ZSCAN25: variants seen among roughly 807,000 people sequenced by gnomAD.
The protein encoded by ZSCAN25 is zinc finger and SCAN domain-containing protein 25.
Under a neutral mutation model 38.7 loss-of-function variants are expected in ZSCAN25, and 27 were observed. That is an observed-to-expected ratio of 0.70 (90% confidence interval 0.51 to 0.96). ZSCAN25 has a LOEUF of 0.96. ZSCAN25 is among the 40% of genes least tolerant of loss of function. ZSCAN25 has a pLI of 0.00. For synonymous variants in ZSCAN25, 273 were observed against 277.7 expected (o/e 0.98, Z 0.17); for missense variants, 637 against 705.9 (o/e 0.90, Z 1.11).
the ZSCAN25 span, chr7:99,660,404 T>G: frequency 6.7e-7 from 1 of 1,488,600 alleles, no homozygotes; most frequent in Admixed American, 2.4e-5. Flanking sequence ...AATCAGTGAT[T>G]ATGCTTTTTA....
chr7:99,731,185 A>G, the ZSCAN25 span: 1 of 1,612,700 alleles, frequency 6.2e-7, no homozygotes, highest in Non-Finnish European at 8.5e-7. Context: ...GGTCTCAGGG[A>G]TTGTGACTTT....
downstream of ZSCAN25, among the ~76,000 whole-genome samples, chr7:99,633,975 C>A (rs1203655810): frequency 2.0e-5 from 3 of 152,192 alleles, no homozygotes; most frequent in East Asian, 5.8e-4. Flanking sequence ...TATGCTGGGA[C>A]AGTGGTGTAA....
the ZSCAN25 span, chr7:99,707,802 A>T: frequency 6.2e-7 from 1 of 1,613,748 alleles, no homozygotes; most frequent in Non-Finnish European, 8.5e-7. Context: ...AATGCAGAAA[A>T]TTGACTGACC....
chr7:99,687,689 C>T, the ZSCAN25 span, among the ~76,000 whole-genome samples: 2 of 152,036 alleles, frequency 1.3e-5, no homozygotes, highest in African/African-American at 2.4e-5. Context: ...AGATACTCCT[C>T]GAGAAGAGCA....
At chr7:99,678,176 G>A in the ZSCAN25 span, among the ~76,000 whole-genome samples, 3 of 152,210 alleles carry the variant, frequency 2.0e-5, no homozygotes, top group East Asian at 1.9e-4. Flanking sequence ...TGTAGTGACC[G>A]GCCCACAACA....
At chr7:99,701,687 A>G in the ZSCAN25 span, among the ~76,000 whole-genome samples, 1 of 152,212 alleles carries the variant, frequency 6.6e-6, no homozygotes, top group East Asian at 1.9e-4. Context: ...CATTTCTCTG[A>G]TGATCAATGA....
chr7:99,648,312 C>T, the ZSCAN25 span: 3 of 1,612,490 alleles, frequency 1.9e-6, no homozygotes, highest in Non-Finnish European at 2.5e-6. Flanking sequence ...AACTCATTCT[C>T]CACTTAGGGT....
the ZSCAN25 span, among the ~76,000 whole-genome samples, chr7:99,707,130 AAAG>A: frequency 6.6e-6 from 1 of 152,224 alleles, no homozygotes; most frequent in East Asian, 1.9e-4. Flanking sequence ...AGAAGAAAGG[AAAG>A]AAGATTAGCA....
the ZSCAN25 span, among the ~76,000 whole-genome samples, chr7:99,718,905 C>T: frequency 6.6e-6 from 1 of 152,278 alleles, no homozygotes; most frequent in East Asian, 1.9e-4. Flanking sequence ...CATTTACAAT[C>T]ACTCCAACAA....
the ZSCAN25 span, chr7:99,666,951 C>T: frequency 6.2e-7 from 1 of 1,613,234 alleles, no homozygotes; most frequent in East Asian, 2.2e-5. Context: ...TATTTTCATA[C>T]CTCCTTGAGT....
the ZSCAN25 span, among the ~76,000 whole-genome samples, chr7:99,696,797 G>A: frequency 2.6e-5 from 4 of 152,288 alleles, no homozygotes; most frequent in Non-Finnish European, 4.4e-5. Flanking sequence ...GATGGAAGGC[G>A]ATTGTATCTT....
the ZSCAN25 span, among the ~76,000 whole-genome samples, chr7:99,700,513 C>T: frequency 6.6e-6 from 1 of 152,134 alleles, no homozygotes; most frequent in Non-Finnish European, 1.5e-5. Flanking sequence ...CTTGCACGCC[C>T]AGCCAGACAG....
chr7:99,675,579 G>T, the ZSCAN25 span, among the ~76,000 whole-genome samples: 31 of 136,114 alleles, frequency 2.3e-4, no homozygotes, highest in Admixed American at 2.2e-3. Context: ...CATGCTTTGG[G>T]TGGAGCCTAC....
chr7:99,636,623 A>G (rs377125779), downstream of ZSCAN25, among the ~76,000 whole-genome samples: 3 of 152,358 alleles, frequency 2.0e-5, no homozygotes, highest in Admixed American at 6.5e-5. Flanking sequence ...CTGCCTTTGC[A>G]GTCTACATTT....
chr7:99,663,128 T>C, the ZSCAN25 span: 1 of 1,223,082 alleles, frequency 8.2e-7, no homozygotes, highest in Non-Finnish European at 1.0e-6. Context: ...GCCCTCCCTG[T>C]TTCTCATCTT....
chr7:99,681,147 A>G, the ZSCAN25 span, among the ~76,000 whole-genome samples: 1 of 152,172 alleles, frequency 6.6e-6, no homozygotes, highest in East Asian at 1.9e-4. Flanking sequence ...TGCTTTTTTC[A>G]TGGCTGAATT....
chr7:99,695,001 A>C, the ZSCAN25 span, among the ~76,000 whole-genome samples: 1 of 152,116 alleles, frequency 6.6e-6, no homozygotes, highest in Non-Finnish European at 1.5e-5. Flanking sequence ...AAAACCACAA[A>C]TTCATTTTAT....
the ZSCAN25 span, among the ~76,000 whole-genome samples, chr7:99,684,096 T>C: frequency 5.3e-5 from 8 of 152,164 alleles, no homozygotes; most frequent in South Asian, 1.2e-3. Context: ...TTTGAAAACA[T>C]TAAATCAAAA....
At chr7:99,725,498 C>T in the ZSCAN25 span, among the ~76,000 whole-genome samples, 1 of 152,216 alleles carries the variant, frequency 6.6e-6, no homozygotes, top group East Asian at 1.9e-4. Flanking sequence ...CAAGCCACAG[C>T]TCCCAGGGGC....
Sources: gnomAD v4.1 joint callset for allele counts (sites outside exome capture counted in the v4.1 genomes callset) on GRCh38, gnomAD v4.1.1 for gene constraint, MANE v1.5 for transcripts, NCBI Gene and HGNC (gene_info 2026-07-23, HGNC 2026-07-21) for gene names.